The following PRKN variants were observed in gnomAD, a reference collection of about 807,000 sequenced individuals.
The protein encoded by PRKN is parkin RBR E3 ubiquitin protein ligase, also known as E3 ubiquitin-protein ligase parkin.
A neutral mutation model predicts 59.5 loss-of-function variants in PRKN; 56 were observed. The observed-to-expected ratio is 0.94, with a 90% CI of 0.76 to 1.18. PRKN has a LOEUF of 1.18. PRKN is among the 50% of genes most tolerant of loss of function. The pLI, the probability that PRKN is intolerant of heterozygous loss-of-function variation, is 0.00. For missense variants in PRKN, 657 were observed against 596.4 expected, an observed-to-expected ratio of 1.10 and a Z score of -1.06; for synonymous variants, 250 against 222.1, an observed-to-expected ratio of 1.13 and a Z score of -1.12.
chr6:161,505,672 G>A (rs1315876549), intron 9 of PRKN, among the ~76,000 whole-genome samples: 1 of 142,730 alleles, frequency 7.0e-6, no homozygotes, highest in Non-Finnish European at 1.5e-5. Context: ...TAACGTTTAA[G>A]TCTTTAATCC....
At chr6:162,452,893 A>AAAG (rs35652283) in intron 1 of PRKN, among the ~76,000 whole-genome samples, 95,037 of 151,794 alleles carry the variant, frequency 0.63, 30,901 homozygotes, top group African/African-American at 0.82. Flanking sequence ...AAATGAATAA[A>AAAG]AAATACGCCA....
At chr6:162,320,148 T>C (rs1782928634) in intron 2 of PRKN, among the ~76,000 whole-genome samples, 1 of 151,692 alleles carries the variant, frequency 6.6e-6, no homozygotes, top group Non-Finnish European at 1.5e-5. Context: ...TGATTCCATG[T>C]TTTCTATGGT....
chr6:162,609,818 G>C (rs1330889663), intron 1 of PRKN, among the ~76,000 whole-genome samples: 3 of 152,176 alleles, frequency 2.0e-5, no homozygotes, highest in Non-Finnish European at 1.5e-5. Context: ...GTTAGTACCA[G>C]TGATTCTGGC....
At position 161,785,884 on chromosome 6, in the gene PRKN, G is replaced by A. The variant is rs1174733303; in HGVS notation, c.759C>T (p.Cys253=). 3 of 1,614,118 alleles carry A rather than the reference G, an allele frequency of 1.9e-6. No homozygotes were observed. The highest frequency in any genetic ancestry group is 1.7e-6 in the Non-Finnish European group (2 of 1,179,968). The part of the protein sequence containing the change: ...DVRSPVLVFQ[C]NSRHVICLDC... Reference sequence around the variant, plus strand: ...CTAAGCAAATCACGTGGCGGGAGTTGCACTGGAAAACCAGGACGGGGCTCC... The same window carrying A: ...CTAAGCAAATCACGTGGCGGGAGTTACACTGGAAAACCAGGACGGGGCTCC... The change falls in exon 7 of 12, where the codon TGC becomes TGT. Residue 253 remains cysteine, a synonymous_variant. Transcript: ENST00000366898.
intron 6 of PRKN, among the ~76,000 whole-genome samples, chr6:161,839,425 C>G (rs1315977405): frequency 6.6e-6 from 1 of 152,146 alleles, no homozygotes; most frequent in Admixed American, 6.5e-5. Flanking sequence ...AGTGAGGCCT[C>G]TCAAACCACC....
intron 1 of PRKN, among the ~76,000 whole-genome samples, chr6:162,498,933 G>A (rs911453976): frequency 9.2e-5 from 14 of 152,028 alleles, no homozygotes; most frequent in Middle Eastern, 3.2e-3. Flanking sequence ...AAACAAGCAT[G>A]TTCATTCATT....
rs916124335 is a variant in PRKN at position 161,549,431 on chromosome 6, A to G, written c.934-428T>C. ...TAAAGCAATATATTGTCATGCCTCT[A>G]TTTAAAATTCAACAAGGTTTTATAT... is the stretch of plus-strand genomic sequence containing the variant. On this transcript the variant is annotated intron_variant, in intron 8 of 11. Transcript: ENST00000366898. The surrounding 1 kb of genome is among the most constrained non-coding windows in gnomAD (Gnocchi z 6.0). Among the ~76,000 whole-genome samples the G allele has an allele frequency of 6.6e-6, 1 of 152,200 alleles. No individual in the cohort carries two copies. Among genetic ancestry groups the G allele is most frequent in the Non-Finnish European group, 1.5e-5 (1 of 68,036 alleles).
chr6:162,186,048 T>C lies in PRKN; in HGVS notation c.534+15083A>G, dbSNP rs376160487. On this transcript the variant is annotated intron_variant, in intron 4 of 11. Coordinates refer to ENST00000366898, the MANE Select transcript of PRKN (RefSeq NM_004562.3). ...GTAATTCTCTTATTCTCTGTGAACC[T>C]TGTATAGTTTTCTTGGGTGTAAAAT... Among the ~76,000 whole-genome samples the C allele has an allele frequency of 5.9e-4, 90 of 152,214 alleles. 1 individual carries two copies. The highest frequency in any genetic ancestry group is 1.9e-3 in the African/African-American group (81 of 41,544).
chr6:161,739,163 T>C (rs896782551), intron 7 of PRKN, among the ~76,000 whole-genome samples: 2 of 152,092 alleles, frequency 1.3e-5, no homozygotes, highest in Non-Finnish European at 2.9e-5. Flanking sequence ...ATCCCAGCAC[T>C]TGGGGAGGCC....
intron 6 of PRKN, among the ~76,000 whole-genome samples, chr6:161,914,085 A>G (rs1258690212): frequency 6.6e-6 from 1 of 152,260 alleles, no homozygotes; most frequent in East Asian, 1.9e-4. Flanking sequence ...GACTAAGGCT[A>G]GAACAAAGAT....
At chr6:162,230,732 A>C (rs530759101) in intron 3 of PRKN, among the ~76,000 whole-genome samples, 1 of 152,318 alleles carries the variant, frequency 6.6e-6, no homozygotes, top group East Asian at 1.9e-4. Context: ...CTGTCATGCC[A>C]ATGAATTGCA....
intron 4 of PRKN, among the ~76,000 whole-genome samples, chr6:162,093,865 G>C (rs575114811): frequency 3.9e-5 from 6 of 152,136 alleles, no homozygotes; most frequent in African/African-American, 9.7e-5. Flanking sequence ...ACCTCACCTC[G>C]TGCTGAGCAC....
chr6:162,095,859 C>T (rs1355044770), intron 4 of PRKN, among the ~76,000 whole-genome samples: 1 of 152,118 alleles, frequency 6.6e-6, no homozygotes, highest in African/African-American at 2.4e-5. Flanking sequence ...ACAGTTTCCT[C>T]ATCTGTAAAA....
chr6:162,589,320 T>C (rs1276812574), intron 1 of PRKN, among the ~76,000 whole-genome samples: 1 of 151,976 alleles, frequency 6.6e-6, no homozygotes, highest in Non-Finnish European at 1.5e-5. Context: ...TCTCTCTCTC[T>C]CTCAAAAATA....
intron 2 of PRKN, among the ~76,000 whole-genome samples, chr6:162,307,841 AGC>A (rs200565221): frequency 0.038 from 5,774 of 152,310 alleles, 349 homozygotes; most frequent in African/African-American, 0.13. Context: ...TGTTCCTTTC[AGC>A]TATTACGATA....
At chr6:162,617,642 G>C (rs1782486961) in intron 1 of PRKN, among the ~76,000 whole-genome samples, 2 of 152,068 alleles carry the variant, frequency 1.3e-5, no homozygotes, top group Non-Finnish European at 2.9e-5. Context: ...TTCCACTCCA[G>C]CCTCTGCTTC....
At chr6:161,904,822 G>C (rs1046182044) in intron 6 of PRKN, among the ~76,000 whole-genome samples, 2 of 152,106 alleles carry the variant, frequency 1.3e-5, no homozygotes, top group African/African-American at 4.8e-5. Flanking sequence ...CCGAGCTGCA[G>C]AGACAGACCT....
chr6:161,737,805 AG>A (rs1466099200), intron 7 of PRKN, among the ~76,000 whole-genome samples: 3 of 152,230 alleles, frequency 2.0e-5, no homozygotes, highest in Admixed American at 2.0e-4. Context: ...ATCGCTGTTC[AG>A]GGCAGGATGC....
chr6:162,471,593 T>C (rs1293125071), intron 1 of PRKN, among the ~76,000 whole-genome samples: 1 of 152,218 alleles, frequency 6.6e-6, no homozygotes, highest in Non-Finnish European at 1.5e-5. Context: ...TATTTTGCCA[T>C]TTACTAAACT....
Sources: allele counts gnomAD v4.1 joint callset (sites outside exome capture counted in the v4.1 genomes callset), GRCh38; gene constraint gnomAD v4.1.1; non-coding constraint Gnocchi (gnomAD v3.1); transcripts MANE v1.5; gene names NCBI Gene and HGNC (gene_info 2026-07-23, HGNC 2026-07-21).